The following ACSS3 variants were observed in gnomAD, a reference collection of about 807,000 sequenced individuals.
ACSS3 encodes acyl-CoA synthetase short-chain family member 3, mitochondrial.
Under a neutral mutation model 84.2 loss-of-function variants are expected in ACSS3, and 64 were observed. That is an observed-to-expected ratio of 0.76 (90% CI 0.62 to 0.94). The LOEUF is 0.94. ACSS3 is among the 40% of genes least tolerant of loss of function. The pLI is 0.00. For synonymous variants in ACSS3, 317 were observed against 310.1 expected, an observed-to-expected ratio of 1.02 and a Z score of -0.23; for missense variants, 815 against 867.6, an observed-to-expected ratio of 0.94 and a Z score of 0.76.
chr12:81,128,221 C>A (rs571813745), intron 2 of ACSS3, among the ~76,000 whole-genome samples: 1 of 151,468 alleles, frequency 6.6e-6, no homozygotes, highest in African/African-American at 2.4e-5. Context: ...GTGTAAGGAC[C>A]AACCATTTCC....
intron 9 of ACSS3, among the ~76,000 whole-genome samples, chr12:81,213,938 T>TTC (rs2032773837): frequency 6.1e-5 from 6 of 97,680 alleles, no homozygotes; most frequent in Non-Finnish European, 8.7e-5. Flanking sequence ...CCTTCCTTTC[T>TTC]CTCTCTCTCT....
chr12:81,250,047 T>G (rs1057391567), intron 13 of ACSS3, among the ~76,000 whole-genome samples: 5 of 152,138 alleles, frequency 3.3e-5, no homozygotes, highest in African/African-American at 1.2e-4. Context: ...TATTGCCTTT[T>G]AAGTTCCATG....
intron 8 of ACSS3, among the ~76,000 whole-genome samples, chr12:81,179,153 T>G (rs561812644): frequency 6.1e-5 from 9 of 147,890 alleles, no homozygotes; most frequent in Non-Finnish European, 1.2e-4. Flanking sequence ...TCATCATGAA[T>G]AAAAGACTTA....
chr12:81,202,394 T>A (rs1269265038), intron 9 of ACSS3, among the ~76,000 whole-genome samples: 1 of 152,212 alleles, frequency 6.6e-6, no homozygotes, highest in African/African-American at 2.4e-5. Flanking sequence ...AAGTATGTTA[T>A]GAGTTATTAT....
At chr12:81,197,979 T>TA (rs1475676480) in intron 8 of ACSS3, among the ~76,000 whole-genome samples, 1 of 152,096 alleles carries the variant, frequency 6.6e-6, no homozygotes, top group African/African-American at 2.4e-5. Context: ...ATTGAGTCCA[T>TA]AAAAAACAAC....
At chr12:81,087,183 AT>A (rs1881373460) in intron 1 of ACSS3, among the ~76,000 whole-genome samples, 1 of 152,160 alleles carries the variant, frequency 6.6e-6, no homozygotes, top group Admixed American at 6.5e-5. Context: ...GGCTTTAATA[AT>A]TTAAAACATT....
intron 5 of ACSS3, among the ~76,000 whole-genome samples, chr12:81,148,897 TAAA>T (rs397851051): frequency 3.7e-5 from 3 of 81,824 alleles, no homozygotes; most frequent in African/African-American, 5.1e-5. Context: ...CTGCCTCTAC[TAAA>T]AAAAAAAAAA....
intron 11 of ACSS3, among the ~76,000 whole-genome samples, chr12:81,229,567 C>T (rs1053781519): frequency 6.6e-6 from 1 of 151,862 alleles, no homozygotes; most frequent in African/African-American, 2.4e-5. Context: ...CAAGTATTTA[C>T]ATAATAAGCT....
At chr12:81,106,556 T>C (rs966655579) in intron 1 of ACSS3, among the ~76,000 whole-genome samples, 3 of 152,136 alleles carry the variant, frequency 2.0e-5, no homozygotes, top group Non-Finnish European at 2.9e-5. Context: ...GGTGAAAACA[T>C]TGTCTTTCAT....
chr12:81,155,875 A>G (rs1364201729), intron 7 of ACSS3, among the ~76,000 whole-genome samples: 1 of 152,230 alleles, frequency 6.6e-6, no homozygotes, highest in Non-Finnish European at 1.5e-5. Context: ...GTGAAGATGT[A>G]GAAAAACTTG....
intron 8 of ACSS3, among the ~76,000 whole-genome samples, chr12:81,179,847 C>T (rs1266827430): frequency 1.3e-5 from 2 of 150,928 alleles, no homozygotes; most frequent in African/African-American, 4.9e-5. Flanking sequence ...AAAGAAATAC[C>T]TGAGACTAGG....
intron 3 of ACSS3, among the ~76,000 whole-genome samples, chr12:81,136,633 G>A (rs1885816412): frequency 6.6e-6 from 1 of 152,088 alleles, no homozygotes. Context: ...AGTAGAGACA[G>A]GAAATGGTAA....
At chr12:81,197,905 G>C (rs536540030) in intron 8 of ACSS3, among the ~76,000 whole-genome samples, 16 of 152,006 alleles carry the variant, frequency 1.1e-4, no homozygotes, top group African/African-American at 3.9e-4. Context: ...TTCCAGCATC[G>C]ATTTCCCATC....
intron 1 of ACSS3, among the ~76,000 whole-genome samples, chr12:81,097,356 A>G (rs1163160021): frequency 6.6e-6 from 1 of 152,140 alleles, no homozygotes; most frequent in South Asian, 2.1e-4. Flanking sequence ...TGTTCCAATA[A>G]TGTTTTCTTT....
At position 81,255,708 on chromosome 12, in the gene ACSS3, A is replaced by T. The variant is rs2034275642; in HGVS notation, c.*786A>T. On this transcript the variant is annotated 3_prime_UTR_variant, in exon 16 of 16. Coordinates refer to ENST00000548058, the MANE Select transcript of ACSS3 (RefSeq NM_024560.4). ...GGTGGCGGGAGGCTGAGGCAAGGAG[A>T]ATCACTTGAATACAAGAGGCAGAGG... 1 of 152,242 alleles carries T rather than the reference A, an allele frequency of 6.6e-6. No homozygotes were observed. The highest frequency in any genetic ancestry group is 2.4e-5 in the African/African-American group (1 of 41,434). The allele number at this position is 152,242 out of a possible 1,614,324, so 9.4% of individuals were successfully genotyped here.
chr12:81,165,469 C>T (rs929627671), intron 7 of ACSS3, among the ~76,000 whole-genome samples: 1 of 152,002 alleles, frequency 6.6e-6, no homozygotes, highest in Admixed American at 6.6e-5. Flanking sequence ...CACAGTGAAA[C>T]CCCGTCTCTA....
At position 81,220,093 on chromosome 12, in the gene ACSS3, A is replaced by G. The variant is rs1288209245; in HGVS notation, c.1514+17A>G. On this transcript the variant is annotated intron_variant, in intron 11 of 15. Coordinates refer to ENST00000548058, the MANE Select transcript of ACSS3 (RefSeq NM_024560.4). ...TGTGGTAAAGTAAGCAAAAATTTCA[A>G]TACTACTATATTAAAGGGCAAAAAC... is the stretch of plus-strand genomic sequence containing the variant. 7 of 1,505,140 alleles carry G rather than the reference A, an allele frequency of 4.7e-6. No individual in the cohort carries two copies. Among genetic ancestry groups the G allele is most frequent in the Admixed American group, 2.1e-5 (1 of 48,536 alleles). 93.2% of individuals were successfully genotyped at this position (1,505,140 alleles called of 1,614,324 possible).
intron 13 of ACSS3, among the ~76,000 whole-genome samples, chr12:81,245,084 C>T (rs1565741975): frequency 6.6e-6 from 1 of 152,090 alleles, no homozygotes. Flanking sequence ...ATTCTGTACT[C>T]CTATGATTAA....
rs926215410 is a variant in ACSS3, at chr12:81,090,509, A to G, written c.311+12078A>G. On this transcript the variant is annotated intron_variant, in intron 1 of 15. Coordinates refer to ENST00000548058, the MANE Select transcript of ACSS3 (RefSeq NM_024560.4). ...GAACTGACATTAAAAACTTCACCAT[A>G]TACAGATTTACCTTCTAATCCATCT... Among the ~76,000 whole-genome samples the G allele has an allele frequency of 3.3e-5, 5 of 151,976 alleles. No homozygotes were observed. In the East Asian group the frequency reaches 5.8e-4, roughly 18 times the overall value.
Sources: gnomAD v4.1 joint callset for allele counts (sites outside exome capture counted in the v4.1 genomes callset) on GRCh38, gnomAD v4.1.1 for gene constraint, MANE v1.5 for transcripts, NCBI Gene and HGNC (gene_info 2026-07-23, HGNC 2026-07-21) for gene names.